The following MCTP1 variants were observed in gnomAD, a reference collection of about 807,000 sequenced individuals.
The protein encoded by MCTP1 is multiple C2 and transmembrane domain containing 1, also known as multiple C2 and transmembrane domain-containing protein 1.
A neutral mutation model predicts 120.6 loss-of-function variants in MCTP1; 69 were observed. That is an observed-to-expected ratio of 0.57 (90% CI 0.47 to 0.70). The LOEUF (loss-of-function observed/expected upper bound fraction) is 0.70. Among genes scored for constraint, MCTP1 ranks in the 30% least tolerant of loss-of-function variants. The pLI, the probability that MCTP1 is intolerant of heterozygous loss-of-function variation, is 0.00. For missense variants in MCTP1, 1,203 were observed against 1,248.8 expected (o/e 0.96, Z 0.55); for synonymous variants, 529 against 493.1 (o/e 1.07, Z -0.96).
chr5:94,953,832 T>TATATATATAC (rs1561916186), intron 2 of MCTP1, among the ~76,000 whole-genome samples: 3 of 44,612 alleles, frequency 6.7e-5, no homozygotes, highest in Non-Finnish European at 1.1e-4. Flanking sequence ...TATATATACA[T>TATATATATAC]ATATATATAT....
chr5:95,113,398 G>C (rs1325936275), intron 1 of MCTP1, among the ~76,000 whole-genome samples: 1 of 152,022 alleles, frequency 6.6e-6, no homozygotes, highest in African/African-American at 2.4e-5. Flanking sequence ...AAGCAGTCTT[G>C]AATTGCTGAC....
chr5:95,257,825 A>ACACACACACACT (rs1758053362), intron 1 of MCTP1, among the ~76,000 whole-genome samples: 1 of 152,048 alleles, frequency 6.6e-6, no homozygotes, highest in Non-Finnish European at 1.5e-5. Flanking sequence ...ACACACACAC[A>ACACACACACACT]CACACAGACG....
chr5:95,234,635 T>C (rs185036888), intron 1 of MCTP1, among the ~76,000 whole-genome samples: 15 of 152,300 alleles, frequency 9.8e-5, no homozygotes, highest in Admixed American at 3.3e-4. Context: ...TGAATAAACA[T>C]AGATATTTAA....
intron 19 of MCTP1, among the ~76,000 whole-genome samples, chr5:94,737,323 A>T (rs1351625856): frequency 6.6e-6 from 1 of 152,198 alleles, no homozygotes; most frequent in Non-Finnish European, 1.5e-5. Context: ...GTAGTATCTA[A>T]CATATTGGGG....
chr5:94,707,289 G>A lies in MCTP1; in HGVS notation c.*207C>T. On this transcript the variant is annotated 3_prime_UTR_variant, in exon 23 of 23. Coordinates refer to ENST00000515393, the MANE Select transcript of MCTP1 (RefSeq NM_024717.7). ...CAGCTAACAAGGTTTTGACACAGCA[G>A]TAGCAAAACCTTTATCAAGTTGAGT... 2.1e-6 allele frequency: 1 copy of A among 483,770 alleles called. No homozygotes were observed. The highest frequency in any genetic ancestry group is 3.0e-5 in the South Asian group (1 of 33,058). The allele number at this position is 483,770 out of a possible 1,614,324, so 30.0% of individuals were successfully genotyped here.
intron 1 of MCTP1, among the ~76,000 whole-genome samples, chr5:95,169,530 CT>C (rs1187470873): frequency 6.6e-6 from 1 of 152,018 alleles, no homozygotes; most frequent in Non-Finnish European, 1.5e-5. Flanking sequence ...TGGTCCTGGA[CT>C]TTTTTTGGTT....
chr5:95,207,599 G>A (rs911154398), intron 1 of MCTP1, among the ~76,000 whole-genome samples: 1 of 152,192 alleles, frequency 6.6e-6, no homozygotes, highest in African/African-American at 2.4e-5. Flanking sequence ...TGTTATCAGA[G>A]TGAGACACAT....
chr5:95,167,992 T>A lies in MCTP1; in HGVS notation c.720+115864A>T, dbSNP rs1424044172. 3.3e-5 allele frequency among the ~76,000 whole-genome samples: 5 copies of A among 152,282 alleles called. No homozygotes were observed. The East Asian group carries it at 5.8e-4, about 18-fold the overall frequency. On this transcript the variant is annotated intron_variant, in intron 1 of 22. Transcript: ENST00000515393. ...GCCCATGCCTATGTCCTGAATGGTA[T>A]TGCCTAGGTTTTCTTCTAGGGTTTT... is the stretch of plus-strand genomic sequence containing the variant.
intron 1 of MCTP1, among the ~76,000 whole-genome samples, chr5:95,173,193 T>C (rs1040871881): frequency 1.2e-4 from 18 of 152,210 alleles, no homozygotes; most frequent in African/African-American, 4.3e-4. Context: ...GACTGACTCT[T>C]AGAGCCCATG....
At chr5:95,152,627 T>G (rs998645247) in intron 1 of MCTP1, among the ~76,000 whole-genome samples, 1 of 152,222 alleles carries the variant, frequency 6.6e-6, no homozygotes. Flanking sequence ...TCCTTTGTTT[T>G]GTTCTTTTGG....
chr5:94,805,470 C>CA (rs925140488), intron 17 of MCTP1, among the ~76,000 whole-genome samples: 2 of 151,700 alleles, frequency 1.3e-5, no homozygotes, highest in African/African-American at 4.8e-5. Flanking sequence ...CTACTAAAAA[C>CA]AAAAAAATGT....
chr5:94,775,528 T>G (rs1775100576), intron 19 of MCTP1, among the ~76,000 whole-genome samples: 1 of 152,138 alleles, frequency 6.6e-6, no homozygotes, highest in Non-Finnish European at 1.5e-5. Flanking sequence ...CAGGATTTGG[T>G]GTCAGGTCAA....
At chr5:95,105,827 T>A (rs1182517545) in intron 1 of MCTP1, among the ~76,000 whole-genome samples, 1 of 152,124 alleles carries the variant, frequency 6.6e-6, no homozygotes, top group African/African-American at 2.4e-5. Context: ...GGGCACACCA[T>A]CCAGGAAAAA....
intron 19 of MCTP1, among the ~76,000 whole-genome samples, chr5:94,743,333 G>C (rs1486752622): frequency 2.0e-5 from 3 of 150,918 alleles, no homozygotes; most frequent in Admixed American, 2.0e-4. Flanking sequence ...AAAAAAGAGA[G>C]TCTATGATAT....
chr5:95,023,254 T>G (rs758701305), intron 1 of MCTP1, among the ~76,000 whole-genome samples: 1 of 152,154 alleles, frequency 6.6e-6, no homozygotes, highest in Non-Finnish European at 1.5e-5. Flanking sequence ...ATTTCAGCAA[T>G]GAGCAAAACC....
intron 19 of MCTP1, among the ~76,000 whole-genome samples, chr5:94,763,235 G>A (rs1771748302): frequency 6.6e-6 from 1 of 152,084 alleles, no homozygotes; most frequent in African/African-American, 2.4e-5. Flanking sequence ...TCTTCTTAAA[G>A]CACACATTTC....
chr5:95,039,270 T>C (rs189026228), intron 1 of MCTP1, among the ~76,000 whole-genome samples: 41 of 152,330 alleles, frequency 2.7e-4, no homozygotes, highest in African/African-American at 9.6e-4. Context: ...GACACGTTCA[T>C]AAAGGAAGTG....
chr5:94,992,394 G>T (rs1831753473), intron 2 of MCTP1, among the ~76,000 whole-genome samples: 2 of 152,004 alleles, frequency 1.3e-5, no homozygotes, highest in South Asian at 4.2e-4. Flanking sequence ...CTACTCTTTA[G>T]AACAAGTGTA....
chr5:94,976,443 C>T (rs1828127210), intron 2 of MCTP1, among the ~76,000 whole-genome samples: 1 of 151,920 alleles, frequency 6.6e-6, no homozygotes. Context: ...CAGCAAGACT[C>T]CATCTCAAAA....
Sources: gnomAD v4.1 joint callset for allele counts (sites outside exome capture counted in the v4.1 genomes callset) on GRCh38, gnomAD v4.1.1 for gene constraint, MANE v1.5 for transcripts, NCBI Gene and HGNC (gene_info 2026-07-23, HGNC 2026-07-21) for gene names.